ACTR3C: variants seen among roughly 807,000 people sequenced by gnomAD.
ACTR3C encodes actin-related protein 3C.
Under a neutral mutation model 26.3 loss-of-function variants are expected in ACTR3C, and 18 were observed. That is an observed-to-expected ratio of 0.68 (90% CI 0.47 to 1.01). The LOEUF (loss-of-function observed/expected upper bound fraction) is 1.01, where lower values mean the gene tolerates loss of function less well. Ranked by LOEUF, ACTR3C falls within the 50% of genes least tolerant of loss-of-function variation. The probability of loss-of-function intolerance (pLI) is 0.00; values close to 1 mark genes in which losing one functional copy is unlikely to be tolerated. For synonymous variants in ACTR3C, 55 were observed against 94.5 expected (o/e 0.58, Z 2.42); for missense variants, 184 against 250.7 (o/e 0.73, Z 1.80).
At chr7:150,093,453 G>T in the ACTR3C span, among the ~76,000 whole-genome samples, 1 of 151,240 alleles carries the variant, frequency 6.6e-6, no homozygotes, top group African/African-American at 2.5e-5. Context: ...AAGATACATC[G>T]ACATTCATGT....
At chr7:149,979,366 G>C in the ACTR3C span, among the ~76,000 whole-genome samples, 2 of 152,166 alleles carry the variant, frequency 1.3e-5, no homozygotes, top group Non-Finnish European at 2.9e-5. Context: ...CCTACAGTGA[G>C]GTAAGAATGG....
At chr7:150,118,165 G>A in the ACTR3C span, among the ~76,000 whole-genome samples, 7 of 152,058 alleles carry the variant, frequency 4.6e-5, no homozygotes, top group Non-Finnish European at 8.8e-5. Context: ...TCCAAAAACC[G>A]GAATTCCTCT....
At chr7:149,990,252 C>T in the ACTR3C span, among the ~76,000 whole-genome samples, 50 of 151,264 alleles carry the variant, frequency 3.3e-4, no homozygotes, top group Admixed American at 2.8e-3. Flanking sequence ...CACGTGCACC[C>T]CCACCCATCA....
chr7:150,023,306 G>GATAC, the ACTR3C span, among the ~76,000 whole-genome samples: 51 of 48,624 alleles, frequency 1.0e-3, 5 homozygotes, highest in South Asian at 0.012. Context: ...TAGATAGATA[G>GATAC]ATAGATAGAT....
chr7:150,078,956 G>A, the ACTR3C span, among the ~76,000 whole-genome samples: 17 of 152,260 alleles, frequency 1.1e-4, no homozygotes, highest in African/African-American at 4.1e-4. Context: ...GTGAGCTGAT[G>A]GAACTGGAAC....
At chr7:149,975,730 A>C in the ACTR3C span, among the ~76,000 whole-genome samples, 9 of 152,232 alleles carry the variant, frequency 5.9e-5, no homozygotes, top group Non-Finnish European at 1.2e-4. Context: ...ACAGTTATGG[A>C]GGAAGGCGCC....
intron 1 of ACTR3C, among the ~76,000 whole-genome samples, chr7:150,317,179 G>C (rs1047262395): frequency 6.6e-6 from 1 of 151,840 alleles, no homozygotes; most frequent in Non-Finnish European, 1.5e-5. Context: ...AGCCTCCCAA[G>C]TAGCTGGGAT....
chr7:150,107,258 A>C, the ACTR3C span, among the ~76,000 whole-genome samples: 1 of 150,432 alleles, frequency 6.6e-6, no homozygotes, highest in South Asian at 2.1e-4. Flanking sequence ...TTTTAAGGAG[A>C]GCTGGGCTCT....
At chr7:150,257,226 C>T (rs146443648) in intron 6 of ACTR3C, among the ~76,000 whole-genome samples, 4,062 of 152,156 alleles carry the variant, frequency 0.027, 168 homozygotes, top group African/African-American at 0.093. Context: ...GCTGTTGAGT[C>T]GTTAATGGGT....
chr7:150,213,408 G>T, the ACTR3C span, among the ~76,000 whole-genome samples: 2 of 152,096 alleles, frequency 1.3e-5, no homozygotes, highest in African/African-American at 4.8e-5. Flanking sequence ...TACAGAAAGA[G>T]AAGAGAAAAT....
At chr7:149,908,606 G>A in the ACTR3C span, among the ~76,000 whole-genome samples, 4,489 of 152,212 alleles carry the variant, frequency 0.029, 105 homozygotes, top group Middle Eastern at 0.058. Flanking sequence ...TGTTCACAAA[G>A]CCTGTTATTA....
chr7:150,146,672 A>G, the ACTR3C span, among the ~76,000 whole-genome samples: 2 of 152,128 alleles, frequency 1.3e-5, no homozygotes, highest in Non-Finnish European at 2.9e-5. Context: ...CCTTCAAAAC[A>G]TCCGGGGATG....
chr7:150,284,684 C>T (rs983924276), intron 6 of ACTR3C, 69 bp downstream of exon 6: 16 of 1,267,242 alleles, frequency 1.3e-5, no homozygotes, highest in Middle Eastern at 1.9e-4. Flanking sequence ...ACAGTAATAC[C>T]GTCTTCTAAG....
chr7:149,891,476 T>C, the ACTR3C span: 1 of 424,548 alleles, frequency 2.4e-6, no homozygotes, highest in African/African-American at 2.1e-5. Context: ...TTAAGTTACA[T>C]TATTGTTCAT....
the ACTR3C span, among the ~76,000 whole-genome samples, chr7:150,107,103 A>G: frequency 6.9e-6 from 1 of 144,352 alleles, no homozygotes; most frequent in Non-Finnish European, 1.5e-5. Flanking sequence ...GTGGGGACAA[A>G]TGCACACACA....
the ACTR3C span, among the ~76,000 whole-genome samples, chr7:150,149,078 AG>A: frequency 2.0e-5 from 1 of 49,588 alleles, no homozygotes; most frequent in African/African-American, 8.2e-5. Flanking sequence ...ATAAAGTTTG[AG>A]TATATATATA....
chr7:149,963,570 G>A, the ACTR3C span, among the ~76,000 whole-genome samples: 1 of 152,156 alleles, frequency 6.6e-6, no homozygotes, highest in East Asian at 1.9e-4. Flanking sequence ...AACAAAGGAT[G>A]AACAAAGAAC....
At chr7:150,107,900 CT>C in the ACTR3C span, among the ~76,000 whole-genome samples, 1 of 151,894 alleles carries the variant, frequency 6.6e-6, no homozygotes, top group African/African-American at 2.4e-5. Flanking sequence ...ACGTTTAGAG[CT>C]TTTTTGGAGG....
At chr7:150,316,824 G>C (rs1257298711) in intron 1 of ACTR3C, among the ~76,000 whole-genome samples, 2 of 152,030 alleles carry the variant, frequency 1.3e-5, no homozygotes, top group Non-Finnish European at 2.9e-5. Flanking sequence ...AATTTTTCCT[G>C]GGATTACGTT....
Sources: gnomAD v4.1 joint callset for allele counts (sites outside exome capture counted in the v4.1 genomes callset) on GRCh38, gnomAD v4.1.1 for gene constraint, MANE v1.5 for transcripts, NCBI Gene and HGNC (gene_info 2026-07-23, HGNC 2026-07-21) for gene names.